Variants in DLG1 observed in about 807,000 individuals in gnomAD.
DLG1 encodes the protein discs large MAGUK scaffold protein 1, also known as disks large homolog 1.
A neutral mutation model predicts 123.4 loss-of-function variants in DLG1; 42 were observed. The observed-to-expected ratio is 0.34, with a 90% CI of 0.27 to 0.44. The LOEUF is 0.44. DLG1 is among the 20% of genes least tolerant of loss of function. The pLI, the probability that DLG1 is intolerant of heterozygous loss-of-function variation, is 1.00. For missense variants in DLG1, 942 were observed against 1,082.6 expected (o/e 0.87, Z 1.82); for synonymous variants, 317 against 356.2 (o/e 0.89, Z 1.24).
At chr3:197,148,041 C>T (rs1453054111) in intron 6 of DLG1, among the ~76,000 whole-genome samples, 5 of 150,888 alleles carry the variant, frequency 3.3e-5, no homozygotes, top group African/African-American at 1.2e-4. Flanking sequence ...AATTATATTC[C>T]CATATGCTAG....
intron 14 of DLG1, among the ~76,000 whole-genome samples, chr3:197,092,486 T>C (rs894065515): frequency 2.0e-5 from 3 of 152,136 alleles, no homozygotes; most frequent in African/African-American, 2.4e-5. Flanking sequence ...TAGAGATGTA[T>C]GGTTGAATTA....
intron 4 of DLG1, among the ~76,000 whole-genome samples, chr3:197,272,872 T>C (rs1325779888): frequency 2.6e-5 from 4 of 152,190 alleles, no homozygotes. Context: ...GGAAGACTTC[T>C]GGGGTACTGG....
chr3:197,148,992 T>A (rs1004829647), intron 6 of DLG1, among the ~76,000 whole-genome samples: 7 of 152,220 alleles, frequency 4.6e-5, no homozygotes, highest in Admixed American at 4.6e-4. Flanking sequence ...ATTAATTGTT[T>A]TAATTTGCAT....
chr3:197,264,692 G>GTAATCCCAATCAC (rs1760952292), intron 4 of DLG1, among the ~76,000 whole-genome samples: 1 of 152,198 alleles, frequency 6.6e-6, no homozygotes, highest in African/African-American at 2.4e-5. Flanking sequence ...CTCCCAAAGT[G>GTAATCCCAATCAC]CTGGGATTAC....
chr3:197,145,648 C>T (rs1790360894), intron 6 of DLG1, among the ~76,000 whole-genome samples: 1 of 152,074 alleles, frequency 6.6e-6, no homozygotes, highest in Non-Finnish European at 1.5e-5. Flanking sequence ...ATGATTTCTG[C>T]CTTAAGGAAT....
At chr3:197,183,161 C>G (rs1713492022) in intron 5 of DLG1, among the ~76,000 whole-genome samples, 1 of 152,102 alleles carries the variant, frequency 6.6e-6, no homozygotes, top group African/African-American at 2.4e-5. Context: ...TTCAAAGTAT[C>G]TTCTGTTTCT....
chr3:197,129,638 T>C (rs978759908), intron 11 of DLG1, among the ~76,000 whole-genome samples: 11 of 152,226 alleles, frequency 7.2e-5, no homozygotes, highest in African/African-American at 2.7e-4. Flanking sequence ...TTATTGCCAT[T>C]GAACATGCCT....
intron 4 of DLG1, among the ~76,000 whole-genome samples, chr3:197,227,017 T>C (rs1740321972): frequency 6.6e-6 from 1 of 152,228 alleles, no homozygotes; most frequent in South Asian, 2.1e-4. Flanking sequence ...ATGGACAGTA[T>C]TTATTGAAAC....
At chr3:197,166,799 G>A (rs1489964128) in intron 5 of DLG1, among the ~76,000 whole-genome samples, 1 of 151,978 alleles carries the variant, frequency 6.6e-6, no homozygotes, top group Non-Finnish European at 1.5e-5. Flanking sequence ...GCTGAGCCAA[G>A]AGAATCGCTT....
chr3:197,206,016 T>C lies in DLG1; in HGVS notation c.319-11427A>G, dbSNP rs181501577. ...ATAATTTAGGATAATCTCCCTATCT[T>C]AAAATCAGTTTATTAAAAACCTTAT... On this transcript the variant is annotated intron_variant, in intron 4 of 24. Transcript: ENST00000667157. Among the ~76,000 whole-genome samples, 365 of 152,354 alleles carry C rather than the reference T, an allele frequency of 2.4e-3. 3 individuals carry two copies. Among genetic ancestry groups the C allele is most frequent in the African/African-American group, 8.3e-3 (344 of 41,590 alleles).
chr3:197,246,055 A>G (rs1469428643), intron 4 of DLG1, among the ~76,000 whole-genome samples: 5 of 152,174 alleles, frequency 3.3e-5, no homozygotes, highest in Non-Finnish European at 7.3e-5. Context: ...GAATTAGTAT[A>G]AATAGTTCCT....
chr3:197,187,099 C>T (rs1420631716), intron 5 of DLG1, among the ~76,000 whole-genome samples: 2 of 152,084 alleles, frequency 1.3e-5, no homozygotes, highest in Non-Finnish European at 2.9e-5. Flanking sequence ...GTGACAAGAA[C>T]ACAGATTTGC....
chr3:197,105,652 G>T (rs927805373), intron 13 of DLG1, among the ~76,000 whole-genome samples: 5 of 152,136 alleles, frequency 3.3e-5, no homozygotes, highest in Non-Finnish European at 7.3e-5. Context: ...TACTCCAGAA[G>T]AAGAGGCAAC....
chr3:197,215,940 T>C (rs1210469582), intron 4 of DLG1, among the ~76,000 whole-genome samples: 1 of 152,172 alleles, frequency 6.6e-6, no homozygotes, highest in African/African-American at 2.4e-5. Context: ...TTAGTTTGTA[T>C]CTACTCAATA....
rs1754516087 is a variant in DLG1 at position 197,251,680 on chromosome 3, T to TAA, written c.318+30997_318+30998dup. Among the ~76,000 whole-genome samples the TAA allele has an allele frequency of 3.3e-5, 5 of 152,078 alleles. No homozygotes were observed. In the South Asian group the frequency reaches 1.0e-3, roughly 32 times the overall value. Reference sequence around the variant, plus strand: ...AAAGACAAATGAGATTACATCAAGCTAAAAAGCTTCTGCACAGCAAAAAAA... The same window carrying TAA: ...AAAGACAAATGAGATTACATCAAGCTAAAAAAAGCTTCTGCACAGCAAAAAAA... On this transcript the variant is annotated intron_variant, in intron 4 of 24. Coordinates refer to ENST00000667157, the MANE Select transcript of DLG1 (RefSeq NM_001366207.1).
intron 10 of DLG1, 118 bp downstream of exon 10, chr3:197,136,424 A>G: frequency 1.4e-6 from 1 of 713,000 alleles, no homozygotes; most frequent in East Asian, 2.6e-5. Context: ...CAGCAAGGCT[A>G]GTATTTGCTA....
At chr3:197,127,786 A>C (rs1780526083) in intron 11 of DLG1, among the ~76,000 whole-genome samples, 1 of 152,062 alleles carries the variant, frequency 6.6e-6, no homozygotes. Context: ...TATTGCAATA[A>C]AGCCTGTCAT....
At chr3:197,236,131 T>C (rs1745834889) in intron 4 of DLG1, among the ~76,000 whole-genome samples, 1 of 152,020 alleles carries the variant, frequency 6.6e-6, no homozygotes, top group Admixed American at 6.6e-5. Flanking sequence ...ATGAGCAACA[T>C]GGCGAAATCC....
At chr3:197,097,599 G>A (rs1319519326) in intron 14 of DLG1, among the ~76,000 whole-genome samples, 1 of 38,668 alleles carries the variant, frequency 2.6e-5, no homozygotes, top group East Asian at 1.5e-3. Flanking sequence ...TTTTTTTTTT[G>A]AGAGAGAGTC....
Sources: gnomAD v4.1 joint callset for allele counts (sites outside exome capture counted in the v4.1 genomes callset) on GRCh38, gnomAD v4.1.1 for gene constraint, MANE v1.5 for transcripts, NCBI Gene and HGNC (gene_info 2026-07-23, HGNC 2026-07-21) for gene names.